The following STK25 variants were observed in gnomAD, a reference collection of about 807,000 sequenced individuals.
STK25 encodes serine/threonine-protein kinase 25.
In STK25, 29 loss-of-function variants were observed where a neutral mutation model predicts 53.8. The observed-to-expected ratio is 0.54, with a 90% CI of 0.40 to 0.74. STK25 has a LOEUF of 0.74. STK25 is among the 30% of genes least tolerant of loss of function. The probability of loss-of-function intolerance (pLI) is 0.00; values close to 1 mark genes in which losing one functional copy is unlikely to be tolerated. For synonymous variants in STK25, 247 were observed against 238.3 expected, an observed-to-expected ratio of 1.04 and a Z score of -0.33; for missense variants, 420 against 568.0, an observed-to-expected ratio of 0.74 and a Z score of 2.65.
At chr2:241,498,382 G>A in intron 8 of STK25, 33 bp from the exon 9 acceptor site, 2 of 1,538,950 alleles carry the variant, frequency 1.3e-6, no homozygotes, top group Non-Finnish European at 1.8e-6. Context: ...AGGGCCAGTG[G>A]GGAGAGGGCC....
rs78424517 is a variant in STK25 at position 241,493,067 on chromosome 2, G to A, written c.*2595C>T. The stretch of plus-strand genomic sequence containing the variant: ...GGAGTTTCACTGGAGCCCAATGCAG[G>A]TGATGCTAGCAGACAGACACTTAAC... On this transcript the variant is annotated 3_prime_UTR_variant, in exon 12 of 12. Coordinates refer to ENST00000316586, the MANE Select transcript of STK25 (RefSeq NM_001271977.2). 6.1e-6 allele frequency: 8 copies of A among 1,305,164 alleles called. No homozygotes were observed. Among genetic ancestry groups the A allele is most frequent in the Non-Finnish European group, 8.9e-6 (8 of 897,994 alleles). The allele number at this position is 1,305,164 out of a possible 1,614,324, so 80.8% of individuals were successfully genotyped here.
chr2:241,505,644 G>A (rs1386976800), intron 2 of STK25, among the ~76,000 whole-genome samples: 1 of 152,182 alleles, frequency 6.6e-6, no homozygotes, highest in Non-Finnish European at 1.5e-5. Flanking sequence ...CCCTGGGTGG[G>A]CACTCAGACC....
Position 241,498,313 on chromosome 2 carries a change from G to A in STK25, c.954C>T (p.Ile318=), listed in dbSNP as rs1243973473. 2.5e-6 allele frequency: 4 copies of A among 1,606,334 alleles called. No individual in the cohort carries two copies. Among genetic ancestry groups the A allele is most frequent in the Non-Finnish European group, 3.4e-6 (4 of 1,174,524 alleles). Residue 318 remains isoleucine (I), a synonymous_variant, in exon 9 of 12, where the codon ATC becomes ATT. Coordinates refer to ENST00000316586, the MANE Select transcript of STK25 (RefSeq NM_001271977.2). ...GCCGGATGGTAGGGGGGAACGTCCAGATGGGGCCCTGCTCCCCGTCCTCCG... is the reference window on the plus strand; with the variant it reads ...GCCGGATGGTAGGGGGGAACGTCCAAATGGGGCCCTGCTCCCCGTCCTCCG... ...GEAEDGEQGP[I]WTFPPTIRPS...
At chr2:241,503,696 CAA>C (rs60021706) in intron 2 of STK25, among the ~76,000 whole-genome samples, 2 of 100,282 alleles carry the variant, frequency 2.0e-5, no homozygotes, top group African/African-American at 3.8e-5. Context: ...GACTCCGTCT[CAA>C]AAAAAAAAAA....
At position 241,493,843 on chromosome 2, in the gene STK25, T is replaced by C. The variant is rs2065026329; in HGVS notation, c.*1819A>G. On this transcript the variant is annotated 3_prime_UTR_variant, in exon 12 of 12. Transcript: ENST00000316586. Reference sequence around the variant, plus strand: ...AACTCCTGACCTCAAGTGATCCATCTGCCTCAGCCTCCCAAAGTGCTGGGA... The same window carrying C: ...AACTCCTGACCTCAAGTGATCCATCCGCCTCAGCCTCCCAAAGTGCTGGGA... 3.7e-6 allele frequency: 2 copies of C among 539,416 alleles called. No individual in the cohort carries two copies. Among genetic ancestry groups the C allele is most frequent in the Non-Finnish European group, 6.7e-6 (2 of 300,344 alleles). 33.4% of individuals were successfully genotyped at this position (539,416 alleles called of 1,614,324 possible).
chr2:241,508,507 G>A lies in STK25; in HGVS notation c.-165C>T, dbSNP rs1171011149. The A allele has an allele frequency of 7.9e-6, 8 of 1,015,836 alleles. No individual in the cohort carries two copies. The highest frequency in any genetic ancestry group is 9.4e-6 in the Non-Finnish European group (8 of 847,916). 62.9% of individuals were successfully genotyped at this position (1,015,836 alleles called of 1,614,324 possible). A position where few individuals can be genotyped will look rare whatever the true frequency, so the allele number is the denominator to read the frequency against. On this transcript the variant is annotated 5_prime_UTR_variant, in exon 1 of 12. Coordinates refer to ENST00000316586, the MANE Select transcript of STK25 (RefSeq NM_001271977.2). ...GCAGCGCCCGCGAAGGCTCCCACCC[G>A]CAGCCTCTGTTCGCCCGGGGACCCC...
At chr2:241,508,903 C>A (rs1441423720), upstream of STK25, among the ~76,000 whole-genome samples, 1 of 152,068 alleles carries the variant, frequency 6.6e-6, no homozygotes, top group Admixed American at 6.5e-5. Context: ...GCCTGCCAGG[C>A]GTCGTCTCCG....
At position 241,493,339 on chromosome 2, in the gene STK25, G is replaced by A. The variant is rs1306097069; in HGVS notation, c.*2323C>T. The A allele has an allele frequency of 6.2e-7, 1 of 1,614,042 alleles. No individual in the cohort carries two copies. The highest frequency in any genetic ancestry group is 2.2e-5 in the East Asian group (1 of 44,888). On this transcript the variant is annotated 3_prime_UTR_variant, in exon 12 of 12. Coordinates refer to ENST00000316586, the MANE Select transcript of STK25 (RefSeq NM_001271977.2). Reference sequence around the variant, plus strand: ...CTCCCGCTGCTGGGCTACAGCGTGAGCATCCCCAGGGAGGCCGATGGCATA... The same window carrying A: ...CTCCCGCTGCTGGGCTACAGCGTGAACATCCCCAGGGAGGCCGATGGCATA...
chr2:241,503,696 CAAAAAAAAA>C (rs60021706), intron 2 of STK25, among the ~76,000 whole-genome samples: 5,349 of 100,258 alleles, frequency 0.053, 141 homozygotes, highest in Non-Finnish European at 0.079. Context: ...GACTCCGTCT[CAAAAAAAAA>C]AAAAAAAAAA....
In STK25 at chr2:241,493,476, G is replaced by T; in HGVS notation, c.*2186C>A. 2 of 1,608,194 alleles carry T rather than the reference G, an allele frequency of 1.2e-6. No homozygotes were observed. The highest frequency in any genetic ancestry group is 2.2e-5 in the East Asian group (1 of 44,854). On this transcript the variant is annotated 3_prime_UTR_variant, in exon 12 of 12. Coordinates refer to ENST00000316586, the MANE Select transcript of STK25 (RefSeq NM_001271977.2). ...TTGCAGGAGGCAGCCCTGGTCAGCTGCCCATTTCGATGTCCGCTCAGCTCC... is the reference window on the plus strand; with the variant it reads ...TTGCAGGAGGCAGCCCTGGTCAGCTTCCCATTTCGATGTCCGCTCAGCTCC...
chr2:241,493,892 C>G lies in STK25; in HGVS notation c.*1770G>C. ...GATTATAGGCATGAGCCACCGCACC[C>G]GGCCCCAGGTTTTTAACCCTTCTTT... On this transcript the variant is annotated 3_prime_UTR_variant, in exon 12 of 12. Coordinates refer to ENST00000316586, the MANE Select transcript of STK25 (RefSeq NM_001271977.2). 3.2e-6 allele frequency: 2 copies of G among 631,268 alleles called. No homozygotes were observed. The highest frequency in any genetic ancestry group is 5.2e-6 in the Non-Finnish European group (2 of 385,258). 39.1% of individuals were successfully genotyped at this position (631,268 alleles called of 1,614,324 possible).
intron 9 of STK25, 146 bp downstream of exon 9, chr2:241,498,089 G>A (rs1478630359): frequency 2.6e-6 from 2 of 755,956 alleles, no homozygotes; most frequent in African/African-American, 3.4e-5. Flanking sequence ...CAGGCCTAGT[G>A]CCACAGTGGG....
In STK25 at chr2:241,498,313, G is replaced by C. The variant is rs1243973473; in HGVS notation, c.954C>G (p.Ile318Met). The C allele has an allele frequency of 3.7e-6, 6 of 1,606,452 alleles. 2 individuals carry two copies. In the South Asian group the frequency reaches 6.6e-5, roughly 18 times the overall value. ...GEAEDGEQGP[I>M]WTFPPTIRPS... ...GCCGGATGGTAGGGGGGAACGTCCA[G>C]ATGGGGCCCTGCTCCCCGTCCTCCG... Residue 318 changes from isoleucine (I) to methionine (M), a missense_variant, in exon 9 of 12, where the codon ATC (isoleucine) becomes ATG (methionine). By Grantham distance (10) the Ile-to-Met change is conservative (BLOSUM62 1). Coordinates refer to ENST00000316586, the MANE Select transcript of STK25 (RefSeq NM_001271977.2).
intron 2 of STK25, among the ~76,000 whole-genome samples, chr2:241,504,497 C>T (rs2065704318): frequency 6.6e-6 from 1 of 152,204 alleles, no homozygotes; most frequent in Non-Finnish European, 1.5e-5. Context: ...ATCACTGCTG[C>T]TGACCATGTG....
intron 1 of STK25, 23 bp downstream of exon 1, chr2:241,508,420 G>A (rs2065991330): frequency 4.7e-6 from 5 of 1,067,484 alleles, no homozygotes; most frequent in Admixed American, 1.1e-4. Context: ...CGCCGCAAGC[G>A]CCCCGCCCGG....
Position 241,498,801 on chromosome 2 carries a change from G to A in STK25, c.772-17C>T, listed in dbSNP as rs201377587. 3.0e-5 allele frequency: 49 copies of A among 1,613,350 alleles called. No homozygotes were observed. In the African/African-American group the frequency reaches 4.9e-4, roughly 16 times the overall value. The stretch of plus-strand genomic sequence containing the variant: ...CGTGGGCCGCTGCAGGGGGTCAGGG[G>A]AACACTAGTCACTGGGCCCAGCCAA... On this transcript the variant is annotated splice_polypyrimidine_tract_variant and intron_variant, in intron 7 of 11. Coordinates refer to ENST00000316586, the MANE Select transcript of STK25 (RefSeq NM_001271977.2).
At chr2:241,509,296 G>A (rs1320386428), upstream of STK25, 4 of 152,386 alleles carry the variant, frequency 2.6e-5, no homozygotes, top group Admixed American at 1.3e-4. Flanking sequence ...CGCGGGACGC[G>A]CCCAGGACAG....
In STK25 at chr2:241,501,838, T is replaced by A; in HGVS notation, c.31-130A>T. On this transcript the variant is annotated intron_variant, in intron 2 of 11. Coordinates refer to ENST00000316586, the MANE Select transcript of STK25 (RefSeq NM_001271977.2). The surrounding 1 kb of genome is among the most constrained non-coding windows in gnomAD (Gnocchi z 5.3). ...GGAGTCCAAGGGAGCGCACCTCAAT[T>A]CTTCTCTGGTTTCTTCCTTTCTCCC... The A allele has an allele frequency of 1.6e-6, 1 of 644,362 alleles. No individual in the cohort carries two copies. 39.9% of individuals were successfully genotyped at this position (644,362 alleles called of 1,614,324 possible). A position where few individuals can be genotyped will look rare whatever the true frequency, so the allele number is the denominator to read the frequency against.
Position 241,496,462 on chromosome 2 carries a change from C to T in STK25, c.1177G>A (p.Ala393Thr). ...GAGATGCCGGGGCAGGACTCCTCGG[C>T]CAGGCTGAAGGCGTTCTCCAGCTCC... ...LEELENAFSL[A>T]EESCPGISDK... Residue 393 changes from alanine (A) to threonine (T), a missense_variant, in exon 11 of 12, where the codon GCC (alanine) becomes ACC (threonine). Coordinates refer to ENST00000316586, the MANE Select transcript of STK25 (RefSeq NM_001271977.2). This position sits in a 1 kb window ranked among gnomAD's most constrained non-coding sequence, Gnocchi z 5.8. The T allele has an allele frequency of 6.2e-7, 1 of 1,613,662 alleles. No homozygotes were observed. Among genetic ancestry groups the T allele is most frequent in the Non-Finnish European group, 8.5e-7 (1 of 1,179,968 alleles).
Sources: gnomAD v4.1 joint callset for allele counts (sites outside exome capture counted in the v4.1 genomes callset) on GRCh38, gnomAD v4.1.1 for gene constraint, Gnocchi (gnomAD v3.1) non-coding constraint, MANE v1.5 for transcripts, NCBI Gene and HGNC (gene_info 2026-07-23, HGNC 2026-07-21) for gene names.